GNA12: variants seen among roughly 807,000 people sequenced by gnomAD.
GNA12 encodes G protein subunit alpha 12.
In GNA12, 9 loss-of-function variants were observed where a neutral mutation model predicts 26.0. The observed-to-expected ratio is 0.35, with a 90% CI of 0.21 to 0.60. GNA12 has a LOEUF of 0.60. GNA12 is among the 20% of genes least tolerant of loss of function. The pLI is 0.78. For synonymous variants in GNA12, 264 were observed against 219.6 expected, an observed-to-expected ratio of 1.20 and a Z score of -1.79; for missense variants, 405 against 525.8, an observed-to-expected ratio of 0.77 and a Z score of 2.25.
At chr7:2,829,481 C>G (rs1340441277) in intron 1 of GNA12, among the ~76,000 whole-genome samples, 1 of 152,184 alleles carries the variant, frequency 6.6e-6, no homozygotes, top group Non-Finnish European at 1.5e-5. Flanking sequence ...TCCTTCCTGT[C>G]TCCGATGCAC....
At position 2,795,073 on chromosome 7, in the gene GNA12, T is replaced by A; in HGVS notation, c.380A>T (p.His127Leu). 6.2e-7 allele frequency: 1 copy of A among 1,613,990 alleles called. No individual in the cohort carries two copies. Among genetic ancestry groups the A allele is most frequent in the Middle Eastern group, 1.6e-4 (1 of 6,062 alleles). Residue 127 changes from histidine to leucine, a missense_variant, in exon 2 of 4, where the codon CAT (histidine) becomes CTT (leucine). Physicochemically the swap from His to Leu is moderately conservative, Grantham distance 99. Transcript: ENST00000275364. ...CTCGAAGGCCATCAGGAACATCCCA[T>A]GCTTCTCATTTTCAGAATACTGCCA... ...IPWQYSENEK[H>L]GMFLMAFENK... is the part of the protein sequence containing the mutation.
chr7:2,771,082 G>A (rs1218086430), intron 2 of GNA12, among the ~76,000 whole-genome samples: 7 of 152,130 alleles, frequency 4.6e-5, no homozygotes, highest in African/African-American at 1.7e-4. Flanking sequence ...CTTGAAGTTA[G>A]GAGTTCAAGA....
chr7:2,807,586 A>G (rs76725250), intron 1 of GNA12, among the ~76,000 whole-genome samples: 1 of 136,432 alleles, frequency 7.3e-6, no homozygotes, highest in African/African-American at 3.0e-5. Context: ...TATAAGAGAG[A>G]AAAAAAAAAA....
At chr7:2,770,568 G>C (rs1041808560) in intron 2 of GNA12, among the ~76,000 whole-genome samples, 1 of 152,162 alleles carries the variant, frequency 6.6e-6, no homozygotes, top group African/African-American at 2.4e-5. Context: ...GATGCAGTGA[G>C]CTACGATAAG....
At chr7:2,776,467 G>A (rs1028449666) in intron 2 of GNA12, among the ~76,000 whole-genome samples, 7 of 152,216 alleles carry the variant, frequency 4.6e-5, no homozygotes, top group South Asian at 2.1e-4. Context: ...GCAGCGGAAC[G>A]GGGAGTTAAA....
intron 2 of GNA12, chr7:2,763,466 C>T (rs1238492333): frequency 3.3e-5 from 5 of 152,432 alleles, no homozygotes; most frequent in Admixed American, 6.5e-5. Flanking sequence ...AAAAGCTCCC[C>T]GAGCTCCCTC....
At chr7:2,835,781 GT>G in intron 1 of GNA12, 1 of 722,828 alleles carries the variant, frequency 1.4e-6, no homozygotes, top group South Asian at 1.4e-5. Context: ...GAAGATGCTC[GT>G]GACGGTACCA....
At chr7:2,789,425 G>A (rs1381303842) in intron 2 of GNA12, among the ~76,000 whole-genome samples, 2 of 151,470 alleles carry the variant, frequency 1.3e-5, no homozygotes, top group African/African-American at 4.9e-5. Context: ...GTGAGCCACC[G>A]CGCCCGGCCC....
chr7:2,746,761 T>C (rs958532121), intron 2 of GNA12, among the ~76,000 whole-genome samples: 3 of 152,018 alleles, frequency 2.0e-5, no homozygotes, highest in Admixed American at 6.6e-5. Context: ...ACAAAACTGA[T>C]AGACCGCTAG....
At chr7:2,803,823 A>G (rs149158665) in intron 1 of GNA12, among the ~76,000 whole-genome samples, 30 of 152,266 alleles carry the variant, frequency 2.0e-4, no homozygotes, top group Middle Eastern at 3.4e-3. Context: ...CAAACAAACA[A>G]AAAAACAACT....
chr7:2,739,176 A>G (rs1036577197), intron 2 of GNA12, among the ~76,000 whole-genome samples: 4 of 152,230 alleles, frequency 2.6e-5, no homozygotes, highest in Non-Finnish European at 5.9e-5. Flanking sequence ...TCATTAGGTA[A>G]GATCTACATA....
chr7:2,781,393 T>G (rs2115436005), intron 2 of GNA12, among the ~76,000 whole-genome samples: 1 of 146,130 alleles, frequency 6.8e-6, no homozygotes, highest in South Asian at 2.3e-4. Flanking sequence ...TGGTCTCTAA[T>G]CCATTTCAAA....
chr7:2,757,573 C>A (rs954080995), intron 2 of GNA12, among the ~76,000 whole-genome samples: 7 of 152,200 alleles, frequency 4.6e-5, no homozygotes, highest in East Asian at 3.8e-4. Context: ...CACCAGCCTG[C>A]GAGGTTCCGA....
intron 2 of GNA12, among the ~76,000 whole-genome samples, chr7:2,773,479 T>C (rs980395591): frequency 6.6e-6 from 1 of 152,114 alleles, no homozygotes; most frequent in African/African-American, 2.4e-5. Flanking sequence ...GGAGAATTGC[T>C]TGAACCCGGG....
At chr7:2,813,580 A>G (rs1040100981) in intron 1 of GNA12, among the ~76,000 whole-genome samples, 1 of 151,986 alleles carries the variant, frequency 6.6e-6, no homozygotes, top group Non-Finnish European at 1.5e-5. Context: ...CAGGTGGGGA[A>G]AAAAAAACAA....
At chr7:2,776,922 C>G (rs907630993) in intron 2 of GNA12, among the ~76,000 whole-genome samples, 3 of 151,838 alleles carry the variant, frequency 2.0e-5, no homozygotes, top group Admixed American at 6.6e-5. Flanking sequence ...TGTGCTTCAG[C>G]CTGGGTGACA....
At chr7:2,755,490 T>C (rs1215799545) in intron 2 of GNA12, among the ~76,000 whole-genome samples, 2 of 152,242 alleles carry the variant, frequency 1.3e-5, no homozygotes, top group Non-Finnish European at 1.5e-5. Flanking sequence ...CAGTATTTCA[T>C]TTTTAAAATG....
chr7:2,745,945 C>A (rs370745154), intron 2 of GNA12, among the ~76,000 whole-genome samples: 1 of 151,828 alleles, frequency 6.6e-6, no homozygotes, highest in East Asian at 1.9e-4. Context: ...AATGGTAAAG[C>A]GATCAATTCA....
chr7:2,814,262 CTG>C (rs1562442153), intron 1 of GNA12: 2 of 928,912 alleles, frequency 2.2e-6, no homozygotes, highest in Non-Finnish European at 3.6e-6. Context: ...AGAATCCTGA[CTG>C]AGATCAGGGA....
Sources: gnomAD v4.1 joint callset for allele counts (sites outside exome capture counted in the v4.1 genomes callset) on GRCh38, gnomAD v4.1.1 for gene constraint, MANE v1.5 for transcripts, NCBI Gene and HGNC (gene_info 2026-07-23, HGNC 2026-07-21) for gene names.